LINGO1: variants seen among roughly 807,000 people sequenced by gnomAD.
The protein encoded by LINGO1 is leucine rich repeat and Ig domain containing 1.
LINGO1 carries 11 observed loss-of-function variants against 37.3 expected under a neutral mutation model. That is an observed-to-expected ratio of 0.29 (90% CI 0.19 to 0.49). The LOEUF is 0.49. Ranked by LOEUF, LINGO1 falls within the 20% of genes least tolerant of loss-of-function variation. The probability of loss-of-function intolerance (pLI) is 0.99; values close to 1 mark genes in which losing one functional copy is unlikely to be tolerated. For synonymous variants in LINGO1, 387 were observed against 403.0 expected (o/e 0.96, Z 0.48); for missense variants, 585 against 878.2 (o/e 0.67, Z 4.22).
intron 1 of LINGO1, among the ~76,000 whole-genome samples, chr15:77,766,297 C>CAAAAAAAAA (rs71447163): frequency 1.4e-4 from 7 of 49,044 alleles, no homozygotes; most frequent in African/African-American, 5.0e-4. Context: ...GACCCTGTCT[C>CAAAAAAAAA]AAAAAAAAAA....
At chr15:77,649,352 A>G (rs1233004861) in intron 3 of LINGO1, 1 of 152,248 alleles carries the variant, frequency 6.6e-6, no homozygotes, top group Non-Finnish European at 1.5e-5. Flanking sequence ...TATGAAAGAT[A>G]CGTCTGGCTG....
intron 2 of LINGO1, among the ~76,000 whole-genome samples, chr15:77,710,896 C>T (rs989283559): frequency 2.0e-5 from 3 of 152,240 alleles, no homozygotes; most frequent in Non-Finnish European, 4.4e-5. Context: ...GCCAATTTCC[C>T]GCTGTTGGCA....
chr15:77,734,477 A>C (rs2076183807), intron 2 of LINGO1, among the ~76,000 whole-genome samples: 1 of 150,546 alleles, frequency 6.6e-6, no homozygotes, highest in African/African-American at 2.5e-5. Flanking sequence ...ATCCCCAGAC[A>C]CAGCAATAGT....
At chr15:77,778,347 CA>C (rs1386714152) in intron 1 of LINGO1, among the ~76,000 whole-genome samples, 2 of 152,344 alleles carry the variant, frequency 1.3e-5, no homozygotes, top group Non-Finnish European at 2.9e-5. Context: ...TCTGCAAAGA[CA>C]TTTTCCACGT....
At chr15:77,763,109 G>A (rs532102277) in intron 1 of LINGO1, among the ~76,000 whole-genome samples, 1 of 152,190 alleles carries the variant, frequency 6.6e-6, no homozygotes, top group African/African-American at 2.4e-5. Flanking sequence ...TAATTAAGAC[G>A]GGATGTTTGA....
chr15:77,803,614 G>A (rs574963017), intron 1 of LINGO1, among the ~76,000 whole-genome samples: 2 of 152,208 alleles, frequency 1.3e-5, no homozygotes, highest in East Asian at 3.9e-4. Context: ...GGGTCATGGG[G>A]GTGGATCCCT....
chr15:77,652,523 TGTGTGTG>T lies in LINGO1; in HGVS notation c.-13+24559_-13+24565del, dbSNP rs1567491886. ...GTGTGTGTGTGTGTGTGTGTGTGTG[TGTGTGTG>T]TTGCCAGAATACGGAAATCACATTT... On this transcript the variant is annotated intron_variant, in intron 3 of 3. Coordinates refer to the LINGO1 transcript ENST00000559893. 9.9e-4 allele frequency among the ~76,000 whole-genome samples: 148 copies of T among 149,982 alleles called. 3 individuals are homozygous for T. Among genetic ancestry groups the T allele is most frequent in the African/African-American group, 3.4e-3 (140 of 40,866 alleles).
At chr15:77,767,580 C>A (rs1667296990) in intron 1 of LINGO1, among the ~76,000 whole-genome samples, 1 of 152,148 alleles carries the variant, frequency 6.6e-6, no homozygotes, top group African/African-American at 2.4e-5. Context: ...GTCTGCTGCA[C>A]AGAGGATGTC....
chr15:77,799,851 A>G (rs1309728837), intron 1 of LINGO1, among the ~76,000 whole-genome samples: 1 of 151,854 alleles, frequency 6.6e-6, no homozygotes, highest in Non-Finnish European at 1.5e-5. Flanking sequence ...AAGAGGGAAC[A>G]CCTTCCAGAG....
At chr15:77,647,010 T>G (rs955807673) in intron 3 of LINGO1, among the ~76,000 whole-genome samples, 3 of 149,934 alleles carry the variant, frequency 2.0e-5, no homozygotes, top group Non-Finnish European at 4.4e-5. Flanking sequence ...AAGGTCATGG[T>G]GAAGTGAGCA....
intron 2 of LINGO1, among the ~76,000 whole-genome samples, chr15:77,794,753 A>G (rs2076859252): frequency 6.6e-6 from 1 of 151,350 alleles, no homozygotes; most frequent in South Asian, 2.1e-4. Context: ...ACGCCCTGCT[A>G]ATTTTTTGTA....
intron 3 of LINGO1, among the ~76,000 whole-genome samples, chr15:77,673,834 T>C (rs1029250905): frequency 6.6e-6 from 1 of 152,152 alleles, no homozygotes; most frequent in African/African-American, 2.4e-5. Context: ...ACCATTTACG[T>C]GTCCACTGCT....
chr15:77,797,440 CAGGTGTGATTTCCGG>C (rs2076882568), intron 1 of LINGO1, among the ~76,000 whole-genome samples: 1 of 152,232 alleles, frequency 6.6e-6, no homozygotes, highest in African/African-American at 2.4e-5. Context: ...AGGCACATCA[CAGGTGTGATTTCCGG>C]ATGTGTGCTT....
At chr15:77,678,410 T>C (rs978482342) in intron 2 of LINGO1, among the ~76,000 whole-genome samples, 1 of 152,242 alleles carries the variant, frequency 6.6e-6, no homozygotes, top group Non-Finnish European at 1.5e-5. Context: ...CAGAGTGTCA[T>C]ACAAATGGAG....
intron 2 of LINGO1, among the ~76,000 whole-genome samples, chr15:77,792,743 T>C (rs952388585): frequency 6.6e-6 from 1 of 152,246 alleles, no homozygotes; most frequent in African/African-American, 2.4e-5. Flanking sequence ...TTAGGCTCTA[T>C]GAGGGCAATG....
chr15:77,673,462 T>C (rs2075283409), intron 3 of LINGO1, among the ~76,000 whole-genome samples: 2 of 152,206 alleles, frequency 1.3e-5, no homozygotes, highest in Non-Finnish European at 1.5e-5. Flanking sequence ...ACCGAGGCAG[T>C]GACCAGTTCT....
chr15:77,632,374 C>T lies in LINGO1; in HGVS notation c.-59G>A. The stretch of plus-strand genomic sequence containing the variant: ...ACCAATCGCATGTCTCTCCAGCCGG[C>T]CCGACCAGGCCCCAGCCCCTGCCCA... On this transcript the variant is annotated 5_prime_UTR_variant, in exon 1 of 2. Coordinates refer to ENST00000355300, the MANE Select transcript of LINGO1 (RefSeq NM_032808.7). The surrounding 1 kb of genome is among the most constrained non-coding windows in gnomAD (Gnocchi z 6.0). 1 of 1,357,674 alleles carries T rather than the reference C, an allele frequency of 7.4e-7. No individual in the cohort carries two copies. The highest frequency in any genetic ancestry group is 9.5e-7 in the Non-Finnish European group (1 of 1,050,522). The allele number at this position is 1,357,674 out of a possible 1,614,324, so 84.1% of individuals were successfully genotyped here.
At chr15:77,714,987 T>C (rs1337021839) in intron 2 of LINGO1, among the ~76,000 whole-genome samples, 1 of 152,234 alleles carries the variant, frequency 6.6e-6, no homozygotes, top group Non-Finnish European at 1.5e-5. Context: ...TTAAATACTC[T>C]GGAAACCAAA....
chr15:77,726,517 T>C (rs2076104029), intron 2 of LINGO1, among the ~76,000 whole-genome samples: 1 of 152,264 alleles, frequency 6.6e-6, no homozygotes. Context: ...TGCTACGGCC[T>C]CTGCTCAGTT....
Sources: allele counts gnomAD v4.1 joint callset (sites outside exome capture counted in the v4.1 genomes callset), GRCh38; gene constraint gnomAD v4.1.1; non-coding constraint Gnocchi (gnomAD v3.1); transcripts MANE v1.5; gene names NCBI Gene and HGNC (gene_info 2026-07-23, HGNC 2026-07-21).